The following DPYD variants were observed in gnomAD, a reference collection of about 807,000 sequenced individuals.
DPYD encodes the protein dihydropyrimidine dehydrogenase [NADP(+)].
A neutral mutation model predicts 116.2 loss-of-function variants in DPYD; 109 were observed. That is an observed-to-expected ratio of 0.94 (90% confidence interval 0.80 to 1.10). The LOEUF (loss-of-function observed/expected upper bound fraction) is 1.10, where lower values mean the gene tolerates loss of function less well. Ranked by LOEUF, DPYD falls within the 50% of genes least tolerant of loss-of-function variation. The pLI, the probability that DPYD is intolerant of heterozygous loss-of-function variation, is 0.00. For missense variants in DPYD, 1,302 were observed against 1,254.5 expected (o/e 1.04, Z -0.57); for synonymous variants, 440 against 432.0 (o/e 1.02, Z -0.23).
chr1:97,430,328 G>C (rs1675104615), intron 14 of DPYD, among the ~76,000 whole-genome samples: 1 of 152,152 alleles, frequency 6.6e-6, no homozygotes, highest in Non-Finnish European at 1.5e-5. Flanking sequence ...CTGAAAGACT[G>C]ACAGATTTGC....
At chr1:97,515,682 T>C in intron 13 of DPYD, 44 bp downstream of exon 13, 2 of 1,549,476 alleles carry the variant, frequency 1.3e-6, no homozygotes, top group Non-Finnish European at 8.9e-7. Context: ...TTAATTAAAA[T>C]ATATGATAGA....
intron 8 of DPYD, among the ~76,000 whole-genome samples, chr1:97,675,644 TA>T (rs1489982248): frequency 3.9e-5 from 6 of 152,186 alleles, no homozygotes; most frequent in East Asian, 3.9e-4. Context: ...CATAGTTAAT[TA>T]AAAATATTTT....
chr1:97,879,736 T>G (rs1672097922), intron 2 of DPYD, among the ~76,000 whole-genome samples: 1 of 151,942 alleles, frequency 6.6e-6, no homozygotes. Flanking sequence ...ACATGCTTAT[T>G]TTCTAAGAAG....
chr1:97,136,199 T>C (rs978475920), intron 20 of DPYD, among the ~76,000 whole-genome samples: 6 of 152,226 alleles, frequency 3.9e-5, no homozygotes, highest in Admixed American at 6.5e-5. Flanking sequence ...AAATCCAGCA[T>C]GATCCTAAAT....
At chr1:97,293,363 G>A (rs1387335382) in intron 18 of DPYD, among the ~76,000 whole-genome samples, 4 of 152,206 alleles carry the variant, frequency 2.6e-5, no homozygotes, top group African/African-American at 9.7e-5. Flanking sequence ...TAAGTGTACA[G>A]TATGAAGAGT....
intron 16 of DPYD, among the ~76,000 whole-genome samples, chr1:97,373,071 C>A (rs1233727136): frequency 6.6e-6 from 1 of 152,040 alleles, no homozygotes; most frequent in Non-Finnish European, 1.5e-5. Context: ...TTTATTGTAT[C>A]CAAAAATAAA....
chr1:97,802,435 C>T (rs776390755), intron 3 of DPYD, among the ~76,000 whole-genome samples: 4 of 151,822 alleles, frequency 2.6e-5, no homozygotes, highest in Non-Finnish European at 4.4e-5. Flanking sequence ...CACATTCTCA[C>T]ACTGTTTTAG....
intron 3 of DPYD, among the ~76,000 whole-genome samples, chr1:97,793,159 T>C (rs1309950938): frequency 3.3e-5 from 5 of 152,176 alleles, no homozygotes; most frequent in Non-Finnish European, 7.4e-5. Context: ...CCTAAAACTA[T>C]TCCTAAGTTT....
At position 97,366,381 on chromosome 1, in the gene DPYD, A is replaced by G. The variant is rs76871908; in HGVS notation, c.2058+7180T>C. Among the ~76,000 whole-genome samples the G allele has an allele frequency of 2.8e-3, 426 of 152,318 alleles. 1 individual carries two copies. Among genetic ancestry groups the G allele is most frequent in the African/African-American group, 9.7e-3 (404 of 41,566 alleles). ...GAGGAAAATAAAATAGGATGAATCC[A>G]ATGAATATGGCTAACATCAGATTTT... On this transcript the variant is annotated intron_variant, in intron 16 of 22. Transcript: ENST00000370192.
chr1:97,267,079 G>A (rs1664286961), intron 18 of DPYD, among the ~76,000 whole-genome samples: 1 of 152,118 alleles, frequency 6.6e-6, no homozygotes. Flanking sequence ...GGTATTTCTA[G>A]TTCTAGATCC....
intron 20 of DPYD, among the ~76,000 whole-genome samples, chr1:97,134,011 AAAAATATATATATATATATATATATAT>A (rs1653561685): frequency 1.1e-4 from 4 of 35,234 alleles, no homozygotes; most frequent in Non-Finnish European, 1.5e-4. Flanking sequence ...AAAAAAAAAA[AAAAATATATATATATATATATATATAT>A]ATATATATAT....
intron 20 of DPYD, among the ~76,000 whole-genome samples, chr1:97,132,124 A>C (rs1053635755): frequency 6.6e-6 from 1 of 152,202 alleles, no homozygotes; most frequent in African/African-American, 2.4e-5. Context: ...ATTTTTAAAA[A>C]CACACATACA....
At chr1:97,795,790 CATTATTA>C (rs1667543174) in intron 3 of DPYD, among the ~76,000 whole-genome samples, 1 of 151,906 alleles carries the variant, frequency 6.6e-6, no homozygotes, top group African/African-American at 2.4e-5. Context: ...TGGAAAATTT[CATTATTA>C]AAATTACTGT....
chr1:97,682,507 T>C (rs1008758103), intron 7 of DPYD, among the ~76,000 whole-genome samples: 8 of 152,064 alleles, frequency 5.3e-5, no homozygotes, highest in African/African-American at 1.9e-4. Flanking sequence ...AATCTATTCT[T>C]AGAAAGAATT....
At chr1:97,469,567 G>A (rs1038942088) in intron 13 of DPYD, among the ~76,000 whole-genome samples, 2 of 151,976 alleles carry the variant, frequency 1.3e-5, no homozygotes, top group African/African-American at 4.8e-5. Context: ...TTTCATATTA[G>A]CTATACAGAA....
chr1:97,807,447 GA>G (rs1458813399), intron 3 of DPYD, among the ~76,000 whole-genome samples: 1 of 152,058 alleles, frequency 6.6e-6, no homozygotes, highest in Non-Finnish European at 1.5e-5. Context: ...CTTTCTTGAT[GA>G]GGTGTATGTT....
chr1:97,494,135 A>G (rs1233164847), intron 13 of DPYD, among the ~76,000 whole-genome samples: 1 of 152,208 alleles, frequency 6.6e-6, no homozygotes, highest in Non-Finnish European at 1.5e-5. Flanking sequence ...ACCCAATGCT[A>G]GTTTCACAGA....
chr1:97,344,440 A>G (rs976706979), intron 16 of DPYD, among the ~76,000 whole-genome samples: 2 of 152,008 alleles, frequency 1.3e-5, no homozygotes, highest in Middle Eastern at 6.8e-3. Flanking sequence ...CTTTCCCAGT[A>G]CCAGAGGTTC....
intron 13 of DPYD, among the ~76,000 whole-genome samples, chr1:97,470,194 G>C (rs1361841179): frequency 1.3e-5 from 2 of 151,904 alleles, no homozygotes; most frequent in African/African-American, 2.4e-5. Flanking sequence ...TTGTTTAAAA[G>C]AGAATGAAGT....
Sources: gnomAD v4.1 joint callset for allele counts (sites outside exome capture counted in the v4.1 genomes callset) on GRCh38, gnomAD v4.1.1 for gene constraint, MANE v1.5 for transcripts, NCBI Gene and HGNC (gene_info 2026-07-23, HGNC 2026-07-21) for gene names.